Variants in TERF1 observed in about 807,000 individuals in gnomAD.
The protein encoded by TERF1 is telomeric repeat binding factor 1.
A neutral mutation model predicts 55.1 loss-of-function variants in TERF1; 20 were observed. That is an observed-to-expected ratio of 0.36 (90% confidence interval 0.26 to 0.53). The LOEUF (loss-of-function observed/expected upper bound fraction) is 0.53. TERF1 is among the 20% of genes least tolerant of loss of function. The probability of loss-of-function intolerance (pLI) is 0.91; values close to 1 mark genes in which losing one functional copy is unlikely to be tolerated. For missense variants in TERF1, 439 were observed against 535.7 expected, an observed-to-expected ratio of 0.82 and a Z score of 1.78; for synonymous variants, 168 against 181.2, an observed-to-expected ratio of 0.93 and a Z score of 0.59.
chr8:73,031,555 A>G (rs1809286326), intron 7 of TERF1: 1 of 152,256 alleles, frequency 6.6e-6, no homozygotes, highest in Admixed American at 6.5e-5. Flanking sequence ...AGTTTTCAAA[A>G]AAAATGATGC....
chr8:73,037,836 A>T (rs1277407077), intron 8 of TERF1, among the ~76,000 whole-genome samples: 1 of 91,952 alleles, frequency 1.1e-5, no homozygotes, highest in African/African-American at 3.9e-5. Flanking sequence ...TAGTATAATA[A>T]TATATATAAT....
In TERF1 at chr8:73,046,578, C is replaced by G. The variant is rs1021897134; in HGVS notation, c.*441C>G. The G allele has an allele frequency of 1.3e-5, 2 of 152,294 alleles. No individual in the cohort carries two copies. Among genetic ancestry groups the G allele is most frequent in the African/African-American group, 4.8e-5 (2 of 41,432 alleles). The allele number at this position is 152,294 out of a possible 1,614,324, so 9.4% of individuals were successfully genotyped here. A position where few individuals can be genotyped will look rare whatever the true frequency, so the allele number is the denominator to read the frequency against. ...TGGCGCAATTTCAGCTCACTGCAACCTCTGCCTCCCAGGTTCAAGTGATTC... is the reference window on the plus strand; with the variant it reads ...TGGCGCAATTTCAGCTCACTGCAACGTCTGCCTCCCAGGTTCAAGTGATTC... On this transcript the variant is annotated 3_prime_UTR_variant, in exon 10 of 10. Transcript: ENST00000276603.
intron 7 of TERF1, chr8:73,031,498 A>T (rs552131571): frequency 1.3e-5 from 2 of 152,302 alleles, no homozygotes; most frequent in Admixed American, 6.5e-5. Flanking sequence ...TTTGAATCTT[A>T]GTTTGCTCCT....
chr8:73,041,384 C>T (rs12335203), intron 9 of TERF1, among the ~76,000 whole-genome samples: 60,290 of 151,878 alleles, frequency 0.4, 12,557 homozygotes, highest in Non-Finnish European at 0.46. Context: ...TCAACTATAA[C>T]GCCCAGGATC....
chr8:73,018,172 T>C (rs1226134914), intron 2 of TERF1, among the ~76,000 whole-genome samples: 1 of 152,228 alleles, frequency 6.6e-6, no homozygotes, highest in African/African-American at 2.4e-5. Context: ...CAGGAACTTT[T>C]TTTTTCATGT....
chr8:73,011,549 G>A (rs2129708365), intron 1 of TERF1: 1 of 152,332 alleles, frequency 6.6e-6, no homozygotes, highest in Non-Finnish European at 1.5e-5. Context: ...GCGAGACTCT[G>A]TCTCACAAAA....
At chr8:73,020,977 A>G (rs1563459721) in intron 3 of TERF1, among the ~76,000 whole-genome samples, 172 bp downstream of exon 3, 1 of 152,174 alleles carries the variant, frequency 6.6e-6, no homozygotes, top group Non-Finnish European at 1.5e-5. Flanking sequence ...CTGGAACTTA[A>G]TGTGCCATAC....
intron 5 of TERF1, among the ~76,000 whole-genome samples, chr8:73,025,754 CAAAAAAA>C (rs35028162): frequency 1.5e-4 from 7 of 47,264 alleles, no homozygotes; most frequent in African/African-American, 4.6e-4. Flanking sequence ...GACTCTGTCT[CAAAAAAA>C]AAAAAAAAAA....
intron 1 of TERF1, 107 bp from the exon 2 acceptor site, chr8:73,013,788 T>G: frequency 1.6e-6 from 1 of 644,564 alleles, no homozygotes; most frequent in Non-Finnish European, 2.7e-6. Context: ...ACTCTAAATT[T>G]ATGATAATTT....
At chr8:73,044,016 G>A (rs1263083903) in intron 9 of TERF1, among the ~76,000 whole-genome samples, 2 of 152,186 alleles carry the variant, frequency 1.3e-5, no homozygotes, top group Non-Finnish European at 2.9e-5. Context: ...GAGTACGTCT[G>A]TAAGATTTAT....
chr8:73,043,590 C>T (rs1586072652), intron 9 of TERF1, among the ~76,000 whole-genome samples: 1 of 151,906 alleles, frequency 6.6e-6, no homozygotes, highest in South Asian at 2.1e-4. Context: ...TTCTTAGCTC[C>T]GGGGCTGTAG....
intron 8 of TERF1, among the ~76,000 whole-genome samples, chr8:73,037,343 CTA>C (rs1182826721): frequency 1.0e-4 from 12 of 118,442 alleles, no homozygotes; most frequent in Non-Finnish European, 2.1e-4. Flanking sequence ...TGTTGGCCCT[CTA>C]TATTCACAGA....
chr8:73,032,298 A>T (rs1433100427), intron 8 of TERF1, among the ~76,000 whole-genome samples, 165 bp downstream of exon 8: 2 of 152,196 alleles, frequency 1.3e-5, no homozygotes, highest in Admixed American at 6.5e-5. Flanking sequence ...TTAGAAAGTT[A>T]GCTATTTTGA....
intron 2 of TERF1, among the ~76,000 whole-genome samples, chr8:73,020,150 T>C (rs746782501): frequency 2.9e-4 from 44 of 152,222 alleles, no homozygotes; most frequent in Non-Finnish European, 6.0e-4. Context: ...TGAAGGCTCT[T>C]GAATGTCCGA....
At chr8:73,037,681 A>G (rs1253158497) in intron 8 of TERF1, among the ~76,000 whole-genome samples, 1,028 of 65,938 alleles carry the variant, frequency 0.016, 55 homozygotes, top group African/African-American at 0.06. Flanking sequence ...TATTATATAT[A>G]ATATATATTA....
At chr8:73,036,644 C>T (rs1199530368) in intron 8 of TERF1, among the ~76,000 whole-genome samples, 1 of 151,716 alleles carries the variant, frequency 6.6e-6, no homozygotes, top group Non-Finnish European at 1.5e-5. Context: ...GCTCAAGTCC[C>T]TTACATAAAA....
chr8:73,032,626 C>G (rs907589729), intron 8 of TERF1, among the ~76,000 whole-genome samples: 1 of 148,430 alleles, frequency 6.7e-6, no homozygotes, highest in Non-Finnish European at 1.5e-5. Context: ...TAATAATGTT[C>G]ACATAAGGAC....
At chr8:73,025,008 T>A in intron 5 of TERF1, 37 bp downstream of exon 5, 1 of 1,265,512 alleles carries the variant, frequency 7.9e-7, no homozygotes, top group South Asian at 1.5e-5. Context: ...ATAATAGACT[T>A]AAAGGAAACG....
intron 2 of TERF1, among the ~76,000 whole-genome samples, chr8:73,014,466 A>G (rs1309852501): frequency 2.0e-5 from 3 of 152,132 alleles, no homozygotes; most frequent in African/African-American, 4.8e-5. Context: ...GAAACCTTTT[A>G]TTTGAACTTG....
Sources: gnomAD v4.1 joint callset for allele counts (sites outside exome capture counted in the v4.1 genomes callset) on GRCh38, gnomAD v4.1.1 for gene constraint, MANE v1.5 for transcripts, NCBI Gene and HGNC (gene_info 2026-07-23, HGNC 2026-07-21) for gene names.